CNTN3: variants seen among roughly 807,000 people sequenced by gnomAD.
CNTN3 encodes contactin 3.
A neutral mutation model predicts 119.1 loss-of-function variants in CNTN3; 60 were observed. The observed-to-expected ratio is 0.50, with a 90% confidence interval of 0.41 to 0.62. CNTN3 has a LOEUF of 0.62. CNTN3 is among the 20% of genes least tolerant of loss of function. The probability of loss-of-function intolerance (pLI) is 0.00; values close to 1 mark genes in which losing one functional copy is unlikely to be tolerated. For missense variants in CNTN3, 1,101 were observed against 1,242.4 expected, an observed-to-expected ratio of 0.89 and a Z score of 1.71; for synonymous variants, 450 against 438.7, an observed-to-expected ratio of 1.03 and a Z score of -0.32.
At chr3:74,309,628 C>T (rs985355798) in intron 13 of CNTN3, among the ~76,000 whole-genome samples, 25 of 152,128 alleles carry the variant, frequency 1.6e-4, no homozygotes, top group African/African-American at 5.8e-4. Context: ...AGGAGACTCT[C>T]TAGGTGATTC....
intron 22 of CNTN3, among the ~76,000 whole-genome samples, chr3:74,266,172 A>G (rs190967777): frequency 6.6e-6 from 1 of 152,286 alleles, no homozygotes; most frequent in East Asian, 1.9e-4. Context: ...ATGATTAGGG[A>G]ATTCTGCTTT....
At chr3:74,311,660 G>A (rs1702687502) in intron 13 of CNTN3, among the ~76,000 whole-genome samples, 2 of 152,124 alleles carry the variant, frequency 1.3e-5, no homozygotes, top group Non-Finnish European at 1.5e-5. Flanking sequence ...TCTCAATAAA[G>A]AGACAAGTAA....
intron 1 of CNTN3, among the ~76,000 whole-genome samples, chr3:74,613,455 TC>T (rs1440199409): frequency 1.3e-5 from 2 of 152,140 alleles, no homozygotes; most frequent in Non-Finnish European, 2.9e-5. Context: ...GCTACCCCTT[TC>T]CCAGAGCTCT....
intron 16 of CNTN3, among the ~76,000 whole-genome samples, chr3:74,300,630 T>A (rs928610340): frequency 1.3e-5 from 2 of 152,218 alleles, no homozygotes; most frequent in Admixed American, 6.5e-5. Flanking sequence ...ATAAACATTA[T>A]GTGCATTGTT....
In CNTN3 at chr3:74,361,985, C is replaced by T; in HGVS notation, c.1269G>A (p.Val423=). The T allele has an allele frequency of 6.2e-7, 1 of 1,613,750 alleles. No homozygotes were observed. Residue 423 remains valine (V), a synonymous_variant, in exon 11 of 23, where the codon GTG becomes GTA. Coordinates refer to ENST00000263665, the MANE Select transcript of CNTN3 (RefSeq NM_020872.3). The part of the protein sequence containing the change: ...NPMKKLVQVQ[V]GSLVSLDCKP... ...TACAATCCAAGCTGACCAGGCTGCCCACCTGCACCTGAACCAACTTCTTCA... is the reference window on the plus strand; with the variant it reads ...TACAATCCAAGCTGACCAGGCTGCCTACCTGCACCTGAACCAACTTCTTCA...
At chr3:74,505,776 T>C (rs767566728) in intron 2 of CNTN3, among the ~76,000 whole-genome samples, 17 of 152,146 alleles carry the variant, frequency 1.1e-4, no homozygotes, top group Non-Finnish European at 2.4e-4. Context: ...GTGTCTGTTT[T>C]CCACATCTGG....
intron 10 of CNTN3, among the ~76,000 whole-genome samples, chr3:74,364,074 G>A (rs1704134878): frequency 2.0e-5 from 3 of 152,052 alleles, no homozygotes; most frequent in Non-Finnish European, 4.4e-5. Flanking sequence ...GCCACTAAAG[G>A]CAAAGGCAAC....
chr3:74,303,601 G>A (rs1559692403), intron 13 of CNTN3, among the ~76,000 whole-genome samples: 1 of 152,108 alleles, frequency 6.6e-6, no homozygotes. Flanking sequence ...GCCAAGGCAC[G>A]AGAATCACTT....
At chr3:74,543,987 T>C (rs1294014052) in intron 1 of CNTN3, among the ~76,000 whole-genome samples, 1 of 152,228 alleles carries the variant, frequency 6.6e-6, no homozygotes, top group East Asian at 1.9e-4. Context: ...TAGTTTTTAA[T>C]CATATTTGAA....
intron 5 of CNTN3, among the ~76,000 whole-genome samples, chr3:74,421,368 C>T (rs1228316643): frequency 6.6e-6 from 1 of 151,948 alleles, no homozygotes; most frequent in Non-Finnish European, 1.5e-5. Flanking sequence ...TGGGGTTTTA[C>T]CGTGTTGCCC....
At chr3:74,419,544 C>A (rs774708572) in intron 5 of CNTN3, among the ~76,000 whole-genome samples, 1 of 152,178 alleles carries the variant, frequency 6.6e-6, no homozygotes, top group Non-Finnish European at 1.5e-5. Context: ...TGCTGTTTGG[C>A]ATCTCACATT....
At chr3:74,569,209 C>T (rs201599739) in intron 1 of CNTN3, among the ~76,000 whole-genome samples, 1 of 152,166 alleles carries the variant, frequency 6.6e-6, no homozygotes, top group East Asian at 1.9e-4. Flanking sequence ...CTTGTACAGG[C>T]CTGCCCTCAT....
intron 5 of CNTN3, among the ~76,000 whole-genome samples, chr3:74,413,079 G>A (rs1428820445): frequency 6.6e-6 from 1 of 152,194 alleles, no homozygotes; most frequent in African/African-American, 2.4e-5. Flanking sequence ...GCCATTAACA[G>A]TTACTTTGGA....
intron 11 of CNTN3, among the ~76,000 whole-genome samples, chr3:74,344,868 TAC>T (rs59061088): frequency 0.04 from 5,949 of 148,342 alleles, 287 homozygotes; most frequent in African/African-American, 0.12. Context: ...TGTATACGTA[TAC>T]ACACACACAC....
intron 2 of CNTN3, 48 bp downstream of exon 2, chr3:74,521,010 C>G: frequency 8.9e-7 from 1 of 1,129,894 alleles, no homozygotes; most frequent in Non-Finnish European, 1.3e-6. Flanking sequence ...GCATATGACT[C>G]GAGTATACTT....
At position 74,266,580 on chromosome 3, in the gene CNTN3, C is replaced by T. The variant is rs1701664942; in HGVS notation, c.2887G>A (p.Val963Met). Residue 963 changes from valine to methionine, a missense_variant, in exon 22 of 23, where the codon GTG becomes ATG. Coordinates refer to ENST00000263665, the MANE Select transcript of CNTN3 (RefSeq NM_020872.3). ...LNTNKTSAEL[V>M]LPIKEDYIIE... is the part of the protein sequence containing the mutation. ...ATGTAGTCCTCTTTAATGGGCAGCA[C>T]AAGTTCAGCTGAAGTTTTATTTGTG... The T allele has an allele frequency of 6.2e-7, 1 of 1,613,510 alleles. No homozygotes were observed. Among genetic ancestry groups the T allele is most frequent in the Non-Finnish European group, 8.5e-7 (1 of 1,179,644 alleles).
At chr3:74,364,742 T>C in intron 9 of CNTN3, 146 bp from the exon 10 acceptor site, 1 of 598,638 alleles carries the variant, frequency 1.7e-6, no homozygotes, top group Non-Finnish European at 2.8e-6. Context: ...ACCTTTTCCT[T>C]ATTTTAAATG....
chr3:74,471,092 G>A (rs1702553376), intron 4 of CNTN3, among the ~76,000 whole-genome samples: 1 of 152,084 alleles, frequency 6.6e-6, no homozygotes, highest in Admixed American at 6.5e-5. Flanking sequence ...GGTCAGGATG[G>A]TCTTGATCTC....
At chr3:74,397,265 T>C (rs563930357) in intron 5 of CNTN3, among the ~76,000 whole-genome samples, 11 of 152,340 alleles carry the variant, frequency 7.2e-5, no homozygotes, top group South Asian at 2.1e-4. Flanking sequence ...TTTAAGTCCA[T>C]TGTTGAGACC....
Sources: gnomAD v4.1 joint callset for allele counts (sites outside exome capture counted in the v4.1 genomes callset) on GRCh38, gnomAD v4.1.1 for gene constraint, MANE v1.5 for transcripts, NCBI Gene and HGNC (gene_info 2026-07-23, HGNC 2026-07-21) for gene names.